Variants in AGBL4 observed in about 807,000 individuals in gnomAD.
AGBL4 encodes the protein cytosolic carboxypeptidase 6.
Under a neutral mutation model 66.4 loss-of-function variants are expected in AGBL4, and 58 were observed. The ratio of observed to expected loss-of-function variants is 0.87; its 90% CI spans 0.71 to 1.09. The LOEUF is 1.09. AGBL4 is among the 50% of genes least tolerant of loss of function. The pLI, the probability that AGBL4 is intolerant of heterozygous loss-of-function variation, is 0.00. For missense variants in AGBL4, 579 were observed against 631.0 expected (o/e 0.92, Z 0.88); for synonymous variants, 234 against 222.9 (o/e 1.05, Z -0.44).
At chr1:48,583,993 A>C (rs1253803532) in intron 11 of AGBL4, 1 of 151,964 alleles carries the variant, frequency 6.6e-6, no homozygotes, top group Non-Finnish European at 1.5e-5. Flanking sequence ...GGGTAGGTCC[A>C]TCAGTATCAC....
rs1643922927 is a variant in AGBL4 at position 48,533,524 on chromosome 1, A to G, written c.*649T>C. The stretch of plus-strand genomic sequence containing the variant: ...CAGTGCTTTTTGTCTTTAGAGCTAA[A>G]ATTTTAATTAAACTACCGAGGAAAT... On this transcript the variant is annotated 3_prime_UTR_variant, in exon 14 of 14. Transcript: ENST00000371839. 6.5e-6 allele frequency: 1 copy of G among 152,728 alleles called. No individual in the cohort carries two copies. Among genetic ancestry groups the G allele is most frequent in the East Asian group, 1.9e-4 (1 of 5,200 alleles). 9.5% of individuals were successfully genotyped at this position (152,728 alleles called of 1,614,324 possible).
chr1:49,061,416 G>T (rs1644399736), intron 4 of AGBL4, among the ~76,000 whole-genome samples: 1 of 152,124 alleles, frequency 6.6e-6, no homozygotes, highest in African/African-American at 2.4e-5. Flanking sequence ...TGCTCCATGT[G>T]AAAAGTTATA....
intron 4 of AGBL4, among the ~76,000 whole-genome samples, chr1:49,115,740 A>G (rs1391717465): frequency 6.6e-6 from 1 of 152,172 alleles, no homozygotes; most frequent in Non-Finnish European, 1.5e-5. Flanking sequence ...TTCAACACGA[A>G]GTTAATTTCA....
intron 2 of AGBL4, among the ~76,000 whole-genome samples, chr1:49,738,437 C>A (rs557713855): frequency 3.9e-5 from 6 of 152,324 alleles, no homozygotes; most frequent in Admixed American, 1.3e-4. Flanking sequence ...CCCACCGCAG[C>A]TCAAGGAGGC....
chr1:49,283,939 C>T (rs1214320877), intron 3 of AGBL4, among the ~76,000 whole-genome samples: 2 of 149,522 alleles, frequency 1.3e-5, no homozygotes, highest in African/African-American at 4.9e-5. Flanking sequence ...AGTTGGAAAA[C>T]ACTCTGCAGG....
At chr1:49,179,179 T>C (rs1037808571) in intron 4 of AGBL4, among the ~76,000 whole-genome samples, 1 of 152,136 alleles carries the variant, frequency 6.6e-6, no homozygotes, top group Non-Finnish European at 1.5e-5. Context: ...GTATTAATAA[T>C]AGTTTGGAGG....
chr1:48,691,174 A>AAAC (rs1646625691), intron 6 of AGBL4, among the ~76,000 whole-genome samples: 3 of 148,932 alleles, frequency 2.0e-5, no homozygotes, highest in African/African-American at 7.5e-5. Context: ...AAAAAAAAAA[A>AAAC]ACACATATAT....
At position 48,992,503 on chromosome 1, in the gene AGBL4, AG is replaced by A. The variant is rs571606887; in HGVS notation, c.594+53080del. 2.6e-5 allele frequency among the ~76,000 whole-genome samples: 4 copies of A among 151,928 alleles called. No individual in the cohort carries two copies. In the East Asian group the frequency reaches 7.8e-4, roughly 30 times the overall value. ...ACCTGGCTAGTGCCTATGTTTGCTG[AG>A]GGCCCTAGAACTCTACAATCAGCAG... On this transcript the variant is annotated intron_variant, in intron 5 of 13. Coordinates refer to ENST00000371839, the MANE Select transcript of AGBL4 (RefSeq NM_032785.4).
chr1:48,849,290 G>A (rs1440244152), intron 6 of AGBL4, among the ~76,000 whole-genome samples: 2 of 152,238 alleles, frequency 1.3e-5, no homozygotes, highest in Middle Eastern at 6.8e-3. Context: ...TAAAGCACTG[G>A]TACAAGCATG....
chr1:48,963,100 T>C (rs936045445), intron 5 of AGBL4, among the ~76,000 whole-genome samples: 3 of 150,156 alleles, frequency 2.0e-5, no homozygotes, highest in African/African-American at 7.6e-5. Context: ...CAGAAGCTCA[T>C]GCTTCTGGAG....
intron 4 of AGBL4, among the ~76,000 whole-genome samples, chr1:49,095,521 C>A (rs1391460898): frequency 6.6e-6 from 1 of 152,126 alleles, no homozygotes; most frequent in Non-Finnish European, 1.5e-5. Context: ...ACAGAGCCTT[C>A]AGAAATAATG....
chr1:49,385,626 A>G (rs1033152867), intron 3 of AGBL4, among the ~76,000 whole-genome samples: 16 of 152,206 alleles, frequency 1.1e-4, no homozygotes, highest in African/African-American at 3.6e-4. Context: ...CATTTGAAGG[A>G]GTCTTTAATC....
At chr1:49,788,784 T>G (rs1292928557) in intron 2 of AGBL4, among the ~76,000 whole-genome samples, 2 of 152,314 alleles carry the variant, frequency 1.3e-5, no homozygotes, top group African/African-American at 4.8e-5. Flanking sequence ...AACAAGCATG[T>G]AATAAGAGTT....
At chr1:49,768,642 TC>T (rs1469322667) in intron 2 of AGBL4, among the ~76,000 whole-genome samples, 1 of 151,740 alleles carries the variant, frequency 6.6e-6, no homozygotes, top group Non-Finnish European at 1.5e-5. Flanking sequence ...CTCTCAACAC[TC>T]CTATTCAACA....
At chr1:49,537,126 C>T (rs1485040235) in intron 3 of AGBL4, among the ~76,000 whole-genome samples, 4 of 151,982 alleles carry the variant, frequency 2.6e-5, no homozygotes, top group African/African-American at 9.7e-5. Context: ...CTATCTCTCA[C>T]CGTATATAAA....
chr1:49,766,691 C>A (rs1286022754), intron 2 of AGBL4, among the ~76,000 whole-genome samples: 1 of 151,042 alleles, frequency 6.6e-6, no homozygotes, highest in Non-Finnish European at 1.5e-5. Context: ...AGAAACCTAG[C>A]TCACACATAA....
chr1:49,200,529 G>A (rs1245841829), intron 4 of AGBL4, among the ~76,000 whole-genome samples: 1 of 152,148 alleles, frequency 6.6e-6, no homozygotes, highest in South Asian at 2.1e-4. Flanking sequence ...GATGCCAATC[G>A]AAAGCACAGG....
chr1:48,675,524 G>T (rs996325581), intron 6 of AGBL4, among the ~76,000 whole-genome samples: 2 of 152,200 alleles, frequency 1.3e-5, no homozygotes, highest in African/African-American at 4.8e-5. Flanking sequence ...ATCTGCATGG[G>T]AAGCCACCTG....
intron 1 of AGBL4, among the ~76,000 whole-genome samples, chr1:49,913,114 A>G (rs2148215693): frequency 6.6e-6 from 1 of 152,338 alleles, no homozygotes; most frequent in Middle Eastern, 3.4e-3. Flanking sequence ...ATAGCCCCAA[A>G]GTCTTAACCA....
Sources: gnomAD v4.1 joint callset for allele counts (sites outside exome capture counted in the v4.1 genomes callset) on GRCh38, gnomAD v4.1.1 for gene constraint, MANE v1.5 for transcripts, NCBI Gene and HGNC (gene_info 2026-07-23, HGNC 2026-07-21) for gene names.